Variants in TPCN1 observed in about 807,000 individuals in gnomAD.
TPCN1 encodes two pore segment channel 1, also known as two pore channel protein 1.
In TPCN1, 52 loss-of-function variants were observed where a neutral mutation model predicts 108.8. That is an observed-to-expected ratio of 0.48 (90% CI 0.38 to 0.60). The LOEUF is 0.60. Among genes scored for constraint, TPCN1 ranks in the 20% least tolerant of loss-of-function variants. The pLI is 0.00. For synonymous variants in TPCN1, 446 were observed against 433.7 expected (o/e 1.03, Z -0.35); for missense variants, 806 against 1,072.8 (o/e 0.75, Z 3.47).
intron 2 of TPCN1, among the ~76,000 whole-genome samples, chr12:113,258,402 G>A (rs1194287200): frequency 2.0e-5 from 3 of 152,070 alleles, no homozygotes; most frequent in Admixed American, 2.0e-4. Context: ...GGAAGCAGAG[G>A]TTACAGTGAG....
intron 27 of TPCN1, 82 bp downstream of exon 27, chr12:113,293,431 G>A (rs1956332933): frequency 1.6e-6 from 2 of 1,280,772 alleles, no homozygotes; most frequent in South Asian, 2.4e-5. Flanking sequence ...CTGGCCCTCT[G>A]AGTAGAGGGA....
chr12:113,269,439 C>T lies in TPCN1; in HGVS notation c.660-318C>T, dbSNP rs1005264663. Among the ~76,000 whole-genome samples the T allele has an allele frequency of 6.6e-6, 1 of 152,202 alleles. No homozygotes were observed. Among genetic ancestry groups the T allele is most frequent in the African/African-American group, 2.4e-5 (1 of 41,454 alleles). ...GTCTTCATGCCTTCCACATCCTGCTCATGGAAACTGACCTTTGCACCCAAG... is the reference window on the plus strand; with the variant it reads ...GTCTTCATGCCTTCCACATCCTGCTTATGGAAACTGACCTTTGCACCCAAG... On this transcript the variant is annotated intron_variant, in intron 6 of 27. Transcript: ENST00000335509. This position sits in a 1 kb window ranked among gnomAD's most constrained non-coding sequence, Gnocchi z 5.0.
rs1381456020 is a variant in TPCN1, at chr12:113,269,820, C to G, written c.723C>G (p.Phe241Leu). 8.7e-6 allele frequency: 14 copies of G among 1,613,896 alleles called. No individual in the cohort carries two copies. The Admixed American group carries it at 2.3e-4, about 27-fold the overall frequency. ...PFMDILLLLL[F>L]FMIIFAILGF... ...TGGACATCCTCCTGCTGCTGCTGTT[C>G]TTCATGATCATCTTTGCCATCCTCG... is the stretch of plus-strand genomic sequence containing the variant. Residue 241 changes from phenylalanine to leucine, a missense_variant, in exon 7 of 28, where the codon TTC (phenylalanine) becomes TTG (leucine). Physicochemically the swap from Phe to Leu is conservative, Grantham distance 22. Transcript: ENST00000335509. The surrounding 1 kb of genome is among the most constrained non-coding windows in gnomAD (Gnocchi z 5.0).
At position 113,288,755 on chromosome 12, in the gene TPCN1, C is replaced by T; in HGVS notation, c.1707-3C>T. ...GCGTCACCCTGCCCCTGTCGCCCCACAGCCTGGGCCTCACCCTGCTCATCT... is the reference window on the plus strand; with the variant it reads ...GCGTCACCCTGCCCCTGTCGCCCCATAGCCTGGGCCTCACCCTGCTCATCT... On this transcript the variant is annotated splice_polypyrimidine_tract_variant and splice_region_variant and intron_variant, in intron 20 of 27. Transcript: ENST00000335509. The surrounding 1 kb of genome is among the most constrained non-coding windows in gnomAD (Gnocchi z 4.8). The T allele has an allele frequency of 6.2e-7, 1 of 1,612,206 alleles. No individual in the cohort carries two copies. The highest frequency in any genetic ancestry group is 8.5e-7 in the Non-Finnish European group (1 of 1,180,000).
In TPCN1 at chr12:113,231,218, A is replaced by G. The variant is rs75368010; in HGVS notation, c.112+4254A>G. ...TGTCTGGTTGGGCACCCCTAACAAA[A>G]CACCATGGACTGGTGGCTTAAATGA... On this transcript the variant is annotated intron_variant, in intron 2 of 27. Coordinates refer to ENST00000335509, the MANE Select transcript of TPCN1 (RefSeq NM_017901.6). The surrounding 1 kb of genome is among the most constrained non-coding windows in gnomAD (Gnocchi z 4.3). Among the ~76,000 whole-genome samples the G allele has an allele frequency of 4.6e-3, 707 of 152,310 alleles. 8 individuals are homozygous for G. The highest frequency in any genetic ancestry group is 0.015 in the African/African-American group (644 of 41,564).
chr12:113,269,983 G>C lies in TPCN1; in HGVS notation c.748+138G>C. ...AGGCCAAGGTGGGTGGGTAACCTAG[G>C]TCAGGAGTTTGAGGCCAGCCTGGTC... On this transcript the variant is annotated intron_variant, in intron 7 of 27. Coordinates refer to ENST00000335509, the MANE Select transcript of TPCN1 (RefSeq NM_017901.6). This position sits in a 1 kb window ranked among gnomAD's most constrained non-coding sequence, Gnocchi z 5.0. 1 of 855,326 alleles carries C rather than the reference G, an allele frequency of 1.2e-6. No homozygotes were observed. Among genetic ancestry groups the C allele is most frequent in the Non-Finnish European group, 1.8e-6 (1 of 540,892 alleles). 53.0% of individuals were successfully genotyped at this position (855,326 alleles called of 1,614,324 possible).
chr12:113,279,372 TATATATATATATATA>T (rs1566189306), intron 14 of TPCN1, among the ~76,000 whole-genome samples: 17 of 27,996 alleles, frequency 6.1e-4, no homozygotes, highest in African/African-American at 2.2e-3. Flanking sequence ...TATATATATA[TATATATATATATATA>T]TATATTTTTT....
chr12:113,248,976 C>T (rs752847080), intron 2 of TPCN1, among the ~76,000 whole-genome samples: 2 of 152,042 alleles, frequency 1.3e-5, no homozygotes, highest in Non-Finnish European at 2.9e-5. Flanking sequence ...CTGGTGAGAG[C>T]GAGGTCTTGT....
intron 2 of TPCN1, among the ~76,000 whole-genome samples, chr12:113,259,994 C>T (rs1425040653): frequency 6.6e-6 from 1 of 152,202 alleles, no homozygotes; most frequent in Non-Finnish European, 1.5e-5. Flanking sequence ...AAGGGTCTGT[C>T]TACCCTATTC....
intron 2 of TPCN1, among the ~76,000 whole-genome samples, chr12:113,258,816 T>C (rs1013451740): frequency 6.6e-6 from 1 of 152,084 alleles, no homozygotes; most frequent in Non-Finnish European, 1.5e-5. Flanking sequence ...GTAAGTTGCA[T>C]GTGGCTGGAC....
intron 3 of TPCN1, among the ~76,000 whole-genome samples, chr12:113,262,670 T>G (rs1047873723): frequency 6.6e-6 from 1 of 152,224 alleles, no homozygotes; most frequent in African/African-American, 2.4e-5. Flanking sequence ...AGACTCAGAA[T>G]GGTTGAAGCC....
chr12:113,242,038 C>G (rs1341523350), intron 2 of TPCN1, among the ~76,000 whole-genome samples: 1 of 152,096 alleles, frequency 6.6e-6, no homozygotes, highest in Non-Finnish European at 1.5e-5. Context: ...AGAAATTACC[C>G]GTGGACATCT....
intron 4 of TPCN1, among the ~76,000 whole-genome samples, chr12:113,267,309 T>C (rs1465506646): frequency 2.0e-5 from 3 of 152,236 alleles, no homozygotes; most frequent in Admixed American, 1.3e-4. Context: ...AATTGATGCT[T>C]TCTTAGTGTC....
chr12:113,291,066 AC>A, intron 23 of TPCN1, 68 bp downstream of exon 23: 1 of 1,421,244 alleles, frequency 7.0e-7, no homozygotes, highest in South Asian at 1.1e-5. Flanking sequence ...GTCTCCCCCA[AC>A]CCAGAGTATA....
chr12:113,267,991 G>A, intron 5 of TPCN1, 35 bp downstream of exon 5: 1 of 1,427,392 alleles, frequency 7.0e-7, no homozygotes, highest in Non-Finnish European at 9.8e-7. Context: ...TCCCCTCACA[G>A]CCTTTTCTCC....
At chr12:113,290,851 A>T in intron 22 of TPCN1, 101 bp from the exon 23 acceptor site, 1 of 1,142,286 alleles carries the variant, frequency 8.8e-7, no homozygotes, top group East Asian at 2.4e-5. Flanking sequence ...TGACCCTCTC[A>T]TCTTAGCACA....
In TPCN1 at chr12:113,273,385, C is replaced by T. The variant is rs1955568862; in HGVS notation, c.842+95C>T. The T allele has an allele frequency of 7.0e-7, 1 of 1,432,248 alleles. No homozygotes were observed. Among genetic ancestry groups the T allele is most frequent in the Non-Finnish European group, 9.8e-7 (1 of 1,016,522 alleles). 88.7% of individuals were successfully genotyped at this position (1,432,248 alleles called of 1,614,324 possible). A position where few individuals can be genotyped will look rare whatever the true frequency, so the allele number is the denominator to read the frequency against. ...AGTATATTCCACATCCCAGCACAGG[C>T]AGGTGCTGTGGTGCTATTGGGAGAC... On this transcript the variant is annotated intron_variant, in intron 9 of 27. Transcript: ENST00000335509. This position sits in a 1 kb window ranked among gnomAD's most constrained non-coding sequence, Gnocchi z 4.0.
At position 113,291,856 on chromosome 12, in the gene TPCN1, C is replaced by G; in HGVS notation, c.2029-18C>G. The stretch of plus-strand genomic sequence containing the variant: ...CCTCCTCCCCTGCCTCTGCCCCTCC[C>G]TCCCTATCCCTGGCCAGGTGGTGAT... On this transcript the variant is annotated intron_variant, in intron 24 of 27. Coordinates refer to ENST00000335509, the MANE Select transcript of TPCN1 (RefSeq NM_017901.6). 1 of 1,610,496 alleles carries G rather than the reference C, an allele frequency of 6.2e-7. No homozygotes were observed. The highest frequency in any genetic ancestry group is 8.5e-7 in the Non-Finnish European group (1 of 1,176,720).
Position 113,292,967 on chromosome 12 carries a change from C to T in TPCN1, c.2147C>T (p.Ser716Phe), listed in dbSNP as rs745821320. The T allele has an allele frequency of 5.0e-6, 8 of 1,613,206 alleles. No homozygotes were observed. Among genetic ancestry groups the T allele is most frequent in the Non-Finnish European group, 5.9e-6 (7 of 1,180,014 alleles). Reference protein sequence around the residue: ...DGGITLEKEISKEELVAVLEL... With the variant: ...DGGITLEKEIFKEELVAVLEL... ...GGCATCACCCTTGAGAAGGAAATCT[C>T]CAAAGAAGAGCTGGTTGCCGTCCTG... Residue 716 changes from serine (S) to phenylalanine (F), a missense_variant, in exon 26 of 28, where the codon TCC (serine) becomes TTC (phenylalanine). Physicochemically the swap from Ser to Phe is radical, Grantham distance 155 (BLOSUM62 -2). Transcript: ENST00000335509.
Sources: allele counts gnomAD v4.1 joint callset (sites outside exome capture counted in the v4.1 genomes callset), GRCh38; gene constraint gnomAD v4.1.1; non-coding constraint Gnocchi (gnomAD v3.1); transcripts MANE v1.5; gene names NCBI Gene and HGNC (gene_info 2026-07-23, HGNC 2026-07-21).